The following EPB41L5 variants were observed in gnomAD, a reference collection of about 807,000 sequenced individuals.
EPB41L5 encodes erythrocyte membrane protein band 4.1 like 5.
EPB41L5 carries 55 observed loss-of-function variants against 106.6 expected under a neutral mutation model. The observed-to-expected ratio is 0.52, with a 90% CI of 0.42 to 0.65. The LOEUF is 0.65. EPB41L5 is among the 30% of genes least tolerant of loss of function. The pLI, the probability that EPB41L5 is intolerant of heterozygous loss-of-function variation, is 0.00. For missense variants in EPB41L5, 871 were observed against 882.1 expected (o/e 0.99, Z 0.16); for synonymous variants, 297 against 306.7 (o/e 0.97, Z 0.33).
intron 18 of EPB41L5, among the ~76,000 whole-genome samples, chr2:120,138,022 A>G (rs544734534): frequency 6.6e-6 from 1 of 152,248 alleles, no homozygotes; most frequent in African/African-American, 2.4e-5. Context: ...AGTGGGATTT[A>G]TCCCAGGATG....
chr2:120,015,581 T>G (rs573714194), intron 1 of EPB41L5, among the ~76,000 whole-genome samples: 154 of 152,300 alleles, frequency 1.0e-3, no homozygotes, highest in Middle Eastern at 3.4e-3. Flanking sequence ...CTCTCTTCAG[T>G]GTTCTGTGAT....
chr2:120,119,436 C>T (rs1280674389), intron 16 of EPB41L5, among the ~76,000 whole-genome samples: 1 of 152,002 alleles, frequency 6.6e-6, no homozygotes, highest in Non-Finnish European at 1.5e-5. Flanking sequence ...GCCAATGCCT[C>T]TGTCGTGAAT....
intron 14 of EPB41L5, among the ~76,000 whole-genome samples, chr2:120,093,692 C>T (rs1683560868): frequency 6.6e-6 from 1 of 152,048 alleles, no homozygotes; most frequent in African/African-American, 2.4e-5. Context: ...TTTCATTAGC[C>T]TGGTATGTTT....
intron 16 of EPB41L5, among the ~76,000 whole-genome samples, chr2:120,107,838 C>G (rs891253008): frequency 6.6e-6 from 1 of 152,126 alleles, no homozygotes; most frequent in Non-Finnish European, 1.5e-5. Context: ...ATGTCACTTT[C>G]AGTGTAAAAT....
chr2:120,166,592 C>T (rs1687422815), intron 22 of EPB41L5, among the ~76,000 whole-genome samples: 1 of 152,160 alleles, frequency 6.6e-6, no homozygotes. Context: ...CGCATGCCAC[C>T]ATGCCCAGCT....
At chr2:120,173,839 C>T (rs1687804261) in intron 24 of EPB41L5, among the ~76,000 whole-genome samples, 1 of 152,176 alleles carries the variant, frequency 6.6e-6, no homozygotes. Flanking sequence ...ATACCACCCT[C>T]ACCTGGCTAT....
chr2:120,046,351 A>G (rs565469929), intron 3 of EPB41L5, among the ~76,000 whole-genome samples: 1 of 152,254 alleles, frequency 6.6e-6, no homozygotes, highest in Admixed American at 6.5e-5. Context: ...CGGTCATTCT[A>G]ACTGGTGTGA....
intron 18 of EPB41L5, among the ~76,000 whole-genome samples, chr2:120,140,521 T>G (rs899772957): frequency 1.3e-5 from 2 of 152,040 alleles, no homozygotes; most frequent in African/African-American, 2.4e-5. Context: ...CTACCTTGCC[T>G]TAACTCTAGT....
At chr2:120,146,362 C>A (rs1686405678) in intron 20 of EPB41L5, 73 bp downstream of exon 20, 14 of 1,112,178 alleles carry the variant, frequency 1.3e-5, no homozygotes, top group Non-Finnish European at 1.7e-5. Flanking sequence ...CTCAGTCTGT[C>A]ACCACATGGT....
In EPB41L5 at chr2:120,175,290, T is replaced by C. The variant is rs1032816266; in HGVS notation, c.*383T>C. Reference sequence around the variant, plus strand: ...AACAGCCTTTTGAAAGCTATTTCCATCTAGTATCAGGGTGAGAGCATCCTT... The same window carrying C: ...AACAGCCTTTTGAAAGCTATTTCCACCTAGTATCAGGGTGAGAGCATCCTT... On this transcript the variant is annotated 3_prime_UTR_variant, in exon 25 of 25. Transcript: ENST00000263713. The C allele has an allele frequency of 5.0e-6, 1 of 199,582 alleles. No homozygotes were observed. Among genetic ancestry groups the C allele is most frequent in the Non-Finnish European group, 1.1e-5 (1 of 93,554 alleles). 12.4% of individuals were successfully genotyped at this position (199,582 alleles called of 1,614,324 possible).
chr2:120,088,048 G>A (rs1330559958), intron 11 of EPB41L5, among the ~76,000 whole-genome samples: 1 of 152,148 alleles, frequency 6.6e-6, no homozygotes, highest in Non-Finnish European at 1.5e-5. Context: ...TATGCATACA[G>A]ATACAGATAA....
intron 20 of EPB41L5, among the ~76,000 whole-genome samples, chr2:120,159,260 TAA>T (rs755674025): frequency 1.6e-5 from 2 of 124,388 alleles, no homozygotes; most frequent in Admixed American, 8.3e-5. Flanking sequence ...CCGTCTCTAC[TAA>T]AAAAAAAAAA....
chr2:120,054,881 TTTGA>T (rs1230021691), intron 3 of EPB41L5, among the ~76,000 whole-genome samples: 1 of 151,248 alleles, frequency 6.6e-6, no homozygotes, highest in Non-Finnish European at 1.5e-5. Flanking sequence ...TTTTTTTTTT[TTTGA>T]GACGGAGTTT....
At chr2:120,114,524 T>C (rs1684863627) in intron 16 of EPB41L5, among the ~76,000 whole-genome samples, 1 of 152,204 alleles carries the variant, frequency 6.6e-6, no homozygotes, top group African/African-American at 2.4e-5. Context: ...CTGTATTAAG[T>C]GCATTTTCAA....
At chr2:120,091,809 G>C in intron 13 of EPB41L5, 148 bp downstream of exon 13, 1 of 623,842 alleles carries the variant, frequency 1.6e-6, no homozygotes, top group Non-Finnish European at 2.8e-6. Flanking sequence ...TCAATTTCAT[G>C]GGATACACAG....
At chr2:120,164,140 G>T (rs973506949) in intron 21 of EPB41L5, among the ~76,000 whole-genome samples, 2 of 151,612 alleles carry the variant, frequency 1.3e-5, no homozygotes. Context: ...CCGCAACCAC[G>T]CCCAGCTAAT....
chr2:120,160,157 A>G (rs1415059382), intron 20 of EPB41L5, among the ~76,000 whole-genome samples: 4 of 152,196 alleles, frequency 2.6e-5, no homozygotes, highest in African/African-American at 7.2e-5. Context: ...CTGTACAACA[A>G]ATTCCAATGA....
At chr2:120,100,464 T>G (rs1247200514) in intron 15 of EPB41L5, among the ~76,000 whole-genome samples, 178 bp downstream of exon 15, 1 of 152,144 alleles carries the variant, frequency 6.6e-6, no homozygotes, top group East Asian at 1.9e-4. Context: ...CTCTAAGATT[T>G]TGTAAAGGAA....
At chr2:120,015,793 A>G (rs1360402554) in intron 1 of EPB41L5, among the ~76,000 whole-genome samples, 1 of 151,880 alleles carries the variant, frequency 6.6e-6, no homozygotes. Context: ...AAAATCATTG[A>G]AAAAACGTTA....
Sources: allele counts gnomAD v4.1 joint callset (sites outside exome capture counted in the v4.1 genomes callset), GRCh38; gene constraint gnomAD v4.1.1; transcripts MANE v1.5; gene names NCBI Gene and HGNC (gene_info 2026-07-23, HGNC 2026-07-21).